The following POU2F3 variants were observed in gnomAD, a reference collection of about 807,000 sequenced individuals.
POU2F3 encodes POU class 2 homeobox 3.
POU2F3 carries 23 observed loss-of-function variants against 59.2 expected under a neutral mutation model. The observed-to-expected ratio is 0.39, with a 90% CI of 0.28 to 0.55. POU2F3 has a LOEUF of 0.55. Among genes scored for constraint, POU2F3 ranks in the 20% least tolerant of loss-of-function variants. The pLI is 0.66. For synonymous variants in POU2F3, 190 were observed against 214.6 expected (o/e 0.89, Z 1.00); for missense variants, 473 against 544.5 (o/e 0.87, Z 1.31).
At chr11:120,294,273 G>C (rs1013662599) in intron 3 of POU2F3, among the ~76,000 whole-genome samples, 1 of 152,238 alleles carries the variant, frequency 6.6e-6, no homozygotes, top group Non-Finnish European at 1.5e-5. Context: ...AACAAAGCTT[G>C]TCCAATAGCT....
rs34115412 is a variant in POU2F3 at position 120,315,865 on chromosome 11, CTTTTTTTT to C, written c.1135+455_1135+462del. Among the ~76,000 whole-genome samples the C allele has an allele frequency of 9.1e-3, 667 of 73,100 alleles. 9 individuals carry two copies. Among genetic ancestry groups the C allele is most frequent in the African/African-American group, 0.037 (630 of 17,012 alleles). 48.0% of individuals were successfully genotyped at this position (73,100 alleles called of 152,430 possible). On this transcript the variant is annotated intron_variant, in intron 11 of 12. Coordinates refer to ENST00000543440, the MANE Select transcript of POU2F3 (RefSeq NM_014352.4). Reference sequence around the variant, plus strand: ...TAATTATCAATAGCACTTCCTTCCACTTTTTTTTTTTTTTTTTTTTTTTTGAGACAGAG... The same window carrying C: ...TAATTATCAATAGCACTTCCTTCCACTTTTTTTTTTTTTTTTGAGACAGAG...
At chr11:120,270,591 T>G (rs533950962) in intron 3 of POU2F3, among the ~76,000 whole-genome samples, 32 of 152,262 alleles carry the variant, frequency 2.1e-4, no homozygotes, top group African/African-American at 7.2e-4. Context: ...TCCCTTAGAT[T>G]CTGCTATCCT....
At chr11:120,314,117 A>G (rs1460597379) in intron 10 of POU2F3, among the ~76,000 whole-genome samples, 1 of 151,990 alleles carries the variant, frequency 6.6e-6, no homozygotes, top group Admixed American at 6.6e-5. Context: ...CCACTCTGCC[A>G]CCCCTCCCAA....
intron 2 of POU2F3, among the ~76,000 whole-genome samples, chr11:120,262,040 T>C (rs1939620383): frequency 1.3e-5 from 2 of 152,230 alleles, no homozygotes; most frequent in Non-Finnish European, 2.9e-5. Flanking sequence ...GTTCTGCTCT[T>C]TGGAGCTGTA....
Position 120,318,791 on chromosome 11 carries a change from A to C in POU2F3, c.*399A>C. ...TTTGGCTGGGGTGCCAAACACCAGA[A>C]GGGGAGATAATAGTTTTGACTCTGA... On this transcript the variant is annotated 3_prime_UTR_variant, in exon 13 of 13. Coordinates refer to ENST00000543440, the MANE Select transcript of POU2F3 (RefSeq NM_014352.4). 1 of 203,542 alleles carries C rather than the reference A, an allele frequency of 4.9e-6. No individual in the cohort carries two copies. The highest frequency in any genetic ancestry group is 9.8e-6 in the Non-Finnish European group (1 of 102,330). The allele number at this position is 203,542 out of a possible 1,614,324, so 12.6% of individuals were successfully genotyped here.
chr11:120,289,290 A>G (rs1304588611), intron 3 of POU2F3, among the ~76,000 whole-genome samples: 3 of 152,174 alleles, frequency 2.0e-5, no homozygotes, highest in African/African-American at 4.8e-5. Context: ...TTATATTCTA[A>G]AAGCTCTCCA....
chr11:120,274,088 A>AAGG (rs1940203150), intron 3 of POU2F3, among the ~76,000 whole-genome samples: 2 of 95,564 alleles, frequency 2.1e-5, no homozygotes, highest in African/African-American at 8.4e-5. Context: ...AGAGAGAAAG[A>AAGG]AAGGAAGGAA....
At chr11:120,282,006 T>C (rs1234828920) in intron 3 of POU2F3, among the ~76,000 whole-genome samples, 2 of 152,220 alleles carry the variant, frequency 1.3e-5, no homozygotes, top group Non-Finnish European at 2.9e-5. Flanking sequence ...CAATGTTGGT[T>C]CCAGTTGCCC....
intron 2 of POU2F3, among the ~76,000 whole-genome samples, chr11:120,247,954 G>A (rs917242448): frequency 5.3e-5 from 8 of 152,220 alleles, no homozygotes; most frequent in Admixed American, 5.2e-4. Context: ...TTGCACTGGT[G>A]TTCTGTTACT....
rs112202785 is a variant in POU2F3, at chr11:120,255,740, A to G, written c.97+9223A>G. On this transcript the variant is annotated intron_variant, in intron 2 of 12. Coordinates refer to ENST00000543440, the MANE Select transcript of POU2F3 (RefSeq NM_014352.4). ...GGCTGGGTGTTATAACTTCTGCCTC[A>G]CAGGAGAGCCGGCTGGGTCTCCGTC... is the stretch of plus-strand genomic sequence containing the variant. 7.2e-3 allele frequency among the ~76,000 whole-genome samples: 1,098 copies of G among 152,068 alleles called. 13 individuals carry two copies. Among genetic ancestry groups the G allele is most frequent in the African/African-American group, 0.024 (991 of 41,448 alleles).
chr11:120,319,278 C>A lies in POU2F3; in HGVS notation c.*886C>A, dbSNP rs976040249. On this transcript the variant is annotated 3_prime_UTR_variant, in exon 13 of 13. Coordinates refer to ENST00000543440, the MANE Select transcript of POU2F3 (RefSeq NM_014352.4). ...CATTTTTTGCATTATGTTCTTAACT[C>A]CTTAATGTGGAATTTTCCAGCAAAA... 6.6e-6 allele frequency: 1 copy of A among 152,414 alleles called. No homozygotes were observed. Among genetic ancestry groups the A allele is most frequent in the South Asian group, 2.1e-4 (1 of 4,802 alleles). 9.4% of individuals were successfully genotyped at this position (152,414 alleles called of 1,614,324 possible).
chr11:120,240,102 C>G, upstream of POU2F3: 1 of 1,142,002 alleles, frequency 8.8e-7, no homozygotes, highest in Non-Finnish European at 1.1e-6. Context: ...GGGGGCGTGG[C>G]CGGCGGCCCC....
At chr11:120,246,652 G>A in intron 2 of POU2F3, 135 bp downstream of exon 2, 1 of 838,300 alleles carries the variant, frequency 1.2e-6, no homozygotes, top group Non-Finnish European at 1.9e-6. Context: ...GGAACTAAGG[G>A]AATTCCCTGA....
chr11:120,305,047 G>C lies in POU2F3; in HGVS notation c.462G>C (p.Gly154=). 1.2e-6 allele frequency: 2 copies of C among 1,610,362 alleles called. No individual in the cohort carries two copies. Among genetic ancestry groups the C allele is most frequent in the Non-Finnish European group, 1.7e-6 (2 of 1,178,012 alleles). ...GLASQAFGHP[G]LPGSSLEPHL... ...CCTATCAGGCATTTGGGCACCCTGGGCTGCCAGGATCCTCTTTAGAACCCC... is the reference window on the plus strand; with the variant it reads ...CCTATCAGGCATTTGGGCACCCTGGCCTGCCAGGATCCTCTTTAGAACCCC... The change falls in exon 7 of 13, where the codon GGG becomes GGC. Residue 154 remains glycine (G), a synonymous_variant. Transcript: ENST00000543440.
intron 3 of POU2F3, among the ~76,000 whole-genome samples, chr11:120,282,789 T>C (rs1460730848): frequency 1.3e-5 from 2 of 152,242 alleles, no homozygotes; most frequent in African/African-American, 4.8e-5. Flanking sequence ...AAGATTTTTA[T>C]GTTTATATTT....
At chr11:120,236,737 G>A (rs963269584), upstream of POU2F3, 18 of 1,450,552 alleles carry the variant, frequency 1.2e-5, no homozygotes, top group African/African-American at 1.3e-4. Context: ...TCCCATTCTA[G>A]CTCATCTAAC....
intron 3 of POU2F3, among the ~76,000 whole-genome samples, chr11:120,275,338 C>G (rs1940274078): frequency 6.6e-6 from 1 of 152,052 alleles, no homozygotes; most frequent in East Asian, 1.9e-4. Context: ...GTTGAGTGCC[C>G]TGGCAGTTGT....
At chr11:120,306,673 G>A (rs1941500043) in intron 8 of POU2F3, among the ~76,000 whole-genome samples, 1 of 152,142 alleles carries the variant, frequency 6.6e-6, no homozygotes, top group Admixed American at 6.5e-5. Flanking sequence ...CTCCAGGGCT[G>A]GGCTCTATTC....
upstream of POU2F3, chr11:120,236,741 A>C (rs752258445): frequency 1.1e-4 from 161 of 1,444,656 alleles, no homozygotes; most frequent in Non-Finnish European, 1.5e-4. Context: ...ATTCTAGCTC[A>C]TCTAACTGAA....
Sources: gnomAD v4.1 joint callset for allele counts (sites outside exome capture counted in the v4.1 genomes callset) on GRCh38, gnomAD v4.1.1 for gene constraint, MANE v1.5 for transcripts, NCBI Gene and HGNC (gene_info 2026-07-23, HGNC 2026-07-21) for gene names.